The following RPL3 variants were observed in gnomAD, a reference collection of about 807,000 sequenced individuals.
RPL3 encodes the protein ribosomal protein L3.
A neutral mutation model predicts 46.0 loss-of-function variants in RPL3; 3 were observed. The observed-to-expected ratio is 0.07, with a 90% confidence interval of 0.03 to 0.17. The LOEUF (loss-of-function observed/expected upper bound fraction) is 0.17. Among genes scored for constraint, RPL3 ranks in the 10% least tolerant of loss-of-function variants. The pLI is 1.00. For missense variants in RPL3, 387 were observed against 532.7 expected, an observed-to-expected ratio of 0.73 and a Z score of 2.69; for synonymous variants, 224 against 190.8, an observed-to-expected ratio of 1.17 and a Z score of -1.43.
chr22:39,317,708 C>A, intron 2 of RPL3, 79 bp from the exon 3 acceptor site: 2 of 1,542,966 alleles, frequency 1.3e-6, no homozygotes, highest in Non-Finnish European at 8.8e-7. Context: ...ATGCAAAGTG[C>A]CCATTTAGGC....
intron 5 of RPL3, 184 bp from the exon 6 acceptor site, chr22:39,315,030 A>C: frequency 1.2e-6 from 1 of 815,832 alleles, no homozygotes; most frequent in Non-Finnish European, 1.9e-6. Context: ...CCTGAACTCA[A>C]TTCTGAATGG....
chr22:39,319,426 C>G (rs1033299228), intron 1 of RPL3, 169 bp downstream of exon 1: 4 of 930,090 alleles, frequency 4.3e-6, no homozygotes, highest in Admixed American at 2.3e-5. Context: ...GCGCTCTTCA[C>G]AAGCCTCTCG....
intron 4 of RPL3, among the ~76,000 whole-genome samples, chr22:39,316,363 C>T (rs470080): frequency 0.53 from 79,818 of 151,968 alleles, 21,338 homozygotes; most frequent in African/African-American, 0.6. Context: ...CATGGGGTTG[C>T]ACTCAGCACT....
intron 3 of RPL3, 94 bp from the exon 4 acceptor site, chr22:39,316,935 G>C: frequency 6.3e-7 from 1 of 1,590,344 alleles, no homozygotes; most frequent in Non-Finnish European, 8.6e-7. Context: ...CACCGCGTGG[G>C]GATGGAGCTC....
chr22:39,319,449 A>G (rs1208221280), intron 1 of RPL3, 146 bp downstream of exon 1: 3 of 1,140,116 alleles, frequency 2.6e-6, no homozygotes, highest in African/African-American at 3.1e-5. Context: ...TTTCCAGAAA[A>G]TAGGCCAGAC....
At chr22:39,313,983 G>C (rs151106216) in intron 7 of RPL3, 124 bp downstream of exon 7, 2 of 891,580 alleles carry the variant, frequency 2.2e-6, no homozygotes, top group Non-Finnish European at 3.8e-6. Flanking sequence ...CCACTTACAA[G>C]GGACACAGCT....
At chr22:39,313,068 C>G in intron 9 of RPL3, 84 bp from the exon 10 acceptor site, 1 of 1,606,644 alleles carries the variant, frequency 6.2e-7, no homozygotes, top group Non-Finnish European at 8.5e-7. Context: ...AGACTCTGGG[C>G]CAGTCTCCAC....
intron 5 of RPL3, chr22:39,315,070 C>A: frequency 1.4e-6 from 1 of 698,406 alleles, no homozygotes; most frequent in Non-Finnish European, 2.4e-6. Context: ...TTAGTTTAAG[C>A]TCCCCCATTC....
chr22:39,313,155 C>A (rs1166945755), intron 9 of RPL3, 36 bp downstream of exon 9: 1 of 1,603,784 alleles, frequency 6.2e-7, no homozygotes, highest in Non-Finnish European at 8.5e-7. Flanking sequence ...GCCCAAGCCA[C>A]CACACCCAGC....
chr22:39,314,719 T>C lies in RPL3; in HGVS notation c.816A>G (p.Lys272=). The change falls in exon 6 of 10, where the codon AAA becomes AAG. Residue 272 remains lysine (K), a synonymous_variant. Transcript: ENST00000216146. ...VAFSVARAGQ[K]GYHHRTEINK... ...TGATCTCAGTGCGGTGATGGTAGCC[T>C]TTCTGCCCAGCGCGTGCCACAGAGA... 2.5e-6 allele frequency: 4 copies of C among 1,613,526 alleles called. No homozygotes were observed. Among genetic ancestry groups the C allele is most frequent in the Non-Finnish European group, 3.4e-6 (4 of 1,179,942 alleles).
At chr22:39,316,027 G>A (rs1432642245) in intron 4 of RPL3, among the ~76,000 whole-genome samples, 1 of 152,142 alleles carries the variant, frequency 6.6e-6, no homozygotes, top group Non-Finnish European at 1.5e-5. Context: ...ATCACCTGAG[G>A]TCAGGAGTTC....
intron 8 of RPL3, 115 bp downstream of exon 8, chr22:39,313,519 G>A: frequency 2.4e-6 from 3 of 1,258,474 alleles, no homozygotes; most frequent in African/African-American, 1.5e-5. Flanking sequence ...CAGTGTGAAA[G>A]GACTGCCAAC....
intron 5 of RPL3, 57 bp from the exon 6 acceptor site, chr22:39,314,903 C>T: frequency 6.3e-7 from 1 of 1,583,276 alleles, no homozygotes; most frequent in Non-Finnish European, 8.6e-7. Flanking sequence ...CTGACCCCTT[C>T]CTGCTACTCA....
At chr22:39,313,485 TTCC>T (rs2146509758) in intron 8 of RPL3, 146 bp downstream of exon 8, 2 of 1,267,260 alleles carry the variant, frequency 1.6e-6, no homozygotes, top group East Asian at 4.7e-5. Context: ...GACTGGGAAT[TTCC>T]TCATCTCAGG....
Position 39,318,182 on chromosome 22 carries a change from C to T in RPL3, c.196+218G>A, listed in dbSNP as rs557110302. The T allele has an allele frequency of 2.2e-4, 120 of 546,724 alleles. 1 individual carries two copies. In the South Asian group the frequency reaches 2.6e-3, roughly 12 times the overall value. 33.9% of individuals were successfully genotyped at this position (546,724 alleles called of 1,614,324 possible). ...TTTACTATGCTCTGAAATCAATACC[C>T]CACACCGCACCTAAAGCAAACAGTG... is the stretch of plus-strand genomic sequence containing the variant. On this transcript the variant is annotated intron_variant, in intron 2 of 9. Coordinates refer to ENST00000216146, the MANE Select transcript of RPL3 (RefSeq NM_000967.4).
At chr22:39,316,557 G>A in intron 4 of RPL3, 149 bp downstream of exon 4, 2 of 968,566 alleles carry the variant, frequency 2.1e-6, no homozygotes, top group Non-Finnish European at 3.1e-6. Context: ...AAGGGGAATG[G>A]TTCCCTTGCT....
At chr22:39,318,687 G>T (rs921721518) in intron 1 of RPL3, 95 bp from the exon 2 acceptor site, 4 of 1,044,306 alleles carry the variant, frequency 3.8e-6, no homozygotes, top group Non-Finnish European at 5.5e-6. Flanking sequence ...CAGCAATACT[G>T]AAGAATCCTG....
At chr22:39,314,565 C>G (rs2146512074) in intron 6 of RPL3, 121 bp downstream of exon 6, 1 of 1,193,178 alleles carries the variant, frequency 8.4e-7, no homozygotes, top group African/African-American at 1.5e-5. Flanking sequence ...AGAAGCAAGC[C>G]ACTGATGTCC....
rs1922717067 is a variant in RPL3, at chr22:39,316,715, G to T, written c.492C>A (p.Ala164=). 1 of 1,612,300 alleles carries T rather than the reference G, an allele frequency of 6.2e-7. No homozygotes were observed. The highest frequency in any genetic ancestry group is 1.3e-5 in the African/African-American group (1 of 74,994). The change falls in exon 4 of 10, where the codon GCC becomes GCA. Residue 164 remains alanine (A), a synonymous_variant. Coordinates refer to ENST00000216146, the MANE Select transcript of RPL3 (RefSeq NM_000967.4). The part of the protein sequence containing the change: ...KKYCQVIRVI[A]HTQMRLLPLR... ...GGGGCACTGGGCTCACCTGGGTGTG[G>T]GCAATGACACGGATGACTTGGCAGT...
Sources: gnomAD v4.1 joint callset for allele counts (sites outside exome capture counted in the v4.1 genomes callset) on GRCh38, gnomAD v4.1.1 for gene constraint, MANE v1.5 for transcripts, NCBI Gene and HGNC (gene_info 2026-07-23, HGNC 2026-07-21) for gene names.